Variants in ATG14 observed in about 807,000 individuals in gnomAD.
ATG14 encodes beclin 1-associated autophagy-related key regulator.
A neutral mutation model predicts 60.4 loss-of-function variants in ATG14; 35 were observed. The ratio of observed to expected loss-of-function variants is 0.58; its 90% CI spans 0.44 to 0.77. ATG14 has a LOEUF of 0.77. Ranked by LOEUF, ATG14 falls within the 30% of genes least tolerant of loss-of-function variation. The pLI, the probability that ATG14 is intolerant of heterozygous loss-of-function variation, is 0.00. For synonymous variants in ATG14, 234 were observed against 228.8 expected, an observed-to-expected ratio of 1.02 and a Z score of -0.21; for missense variants, 647 against 626.3, an observed-to-expected ratio of 1.03 and a Z score of -0.35.
At chr14:55,381,517 A>G (rs775241579) in intron 6 of ATG14, among the ~76,000 whole-genome samples, 1 of 152,252 alleles carries the variant, frequency 6.6e-6, no homozygotes, top group Admixed American at 6.5e-5. Context: ...CAAGTGATGA[A>G]TGAATAAATA....
In ATG14 at chr14:55,382,099, G is replaced by A; in HGVS notation, c.740C>T (p.Ser247Leu). The change falls in exon 6 of 10, where the codon TCA (serine) becomes TTA (leucine). Residue 247 changes from serine to leucine, a missense_variant. Coordinates refer to ENST00000247178, the MANE Select transcript of ATG14 (RefSeq NM_014924.5). ...LAEARRTTYL[S>L]GRWVCDDHNG... ...GTGATCGTCACAGACCCATCGTCCT[G>A]AGAGGTAAGTTGTCCTCCGGGCTTC... 2 of 1,614,082 alleles carry A rather than the reference G, an allele frequency of 1.2e-6. No homozygotes were observed. Among genetic ancestry groups the A allele is most frequent in the Admixed American group, 1.7e-5 (1 of 60,016 alleles).
intron 1 of ATG14, among the ~76,000 whole-genome samples, chr14:55,405,146 C>T (rs1245148583): frequency 6.6e-6 from 1 of 152,154 alleles, no homozygotes; most frequent in African/African-American, 2.4e-5. Context: ...CTCTTGTCTA[C>T]CTGTAGAGCT....
At chr14:55,399,993 A>C (rs1013686881) in intron 1 of ATG14, among the ~76,000 whole-genome samples, 4 of 152,266 alleles carry the variant, frequency 2.6e-5, no homozygotes, top group African/African-American at 9.6e-5. Context: ...TAGTGTATCA[A>C]ATATTGAAAG....
At chr14:55,395,871 T>G (rs1351229468) in intron 3 of ATG14, 69 bp downstream of exon 3, 1 of 1,160,122 alleles carries the variant, frequency 8.6e-7, no homozygotes, top group Non-Finnish European at 1.2e-6. Context: ...TAATTAAAAA[T>G]AATTTTATAA....
rs554246227 is a variant in ATG14 at position 55,367,564 on chromosome 14, G to A, written c.*2055C>T. ...TCAAGACCAGCCTGGCCAACATGGTGAAAACCCCCGTCTTTACTAAAATAC... is the reference window on the plus strand; with the variant it reads ...TCAAGACCAGCCTGGCCAACATGGTAAAAACCCCCGTCTTTACTAAAATAC... On this transcript the variant is annotated 3_prime_UTR_variant, in exon 10 of 10. Transcript: ENST00000247178. 6 of 152,304 alleles carry A rather than the reference G, an allele frequency of 3.9e-5. 2 individuals are homozygous for A. In the South Asian group the frequency reaches 1.2e-3, roughly 32 times the overall value. The allele number at this position is 152,304 out of a possible 1,614,324, so 9.4% of individuals were successfully genotyped here. A position where few individuals can be genotyped will look rare whatever the true frequency, so the allele number is the denominator to read the frequency against.
At chr14:55,375,490 ATTTTTTTTTTTTTT>A (rs779634897) in intron 9 of ATG14, among the ~76,000 whole-genome samples, 2,868 of 117,902 alleles carry the variant, frequency 0.024, 100 homozygotes, top group African/African-American at 0.092. Flanking sequence ...GCCGGGCTAA[ATTTTTTTTTTTTTT>A]TTTTTTTTTT....
At chr14:55,410,968 C>T (rs1390343702) in intron 1 of ATG14, among the ~76,000 whole-genome samples, 1 of 152,192 alleles carries the variant, frequency 6.6e-6, no homozygotes, top group Non-Finnish European at 1.5e-5. Flanking sequence ...AAAGGCAATT[C>T]TCTTAACTAA....
At position 55,395,980 on chromosome 14, in the gene ATG14, A is replaced by G. The variant is rs750811442; in HGVS notation, c.287T>C (p.Val96Ala). 31 of 1,586,088 alleles carry G rather than the reference A, an allele frequency of 2.0e-5. No homozygotes were observed. In the East Asian group the frequency reaches 6.8e-4, roughly 35 times the overall value. ...CCATTTTCCTTCCATAGCTTTTAAC[A>G]CTCTGTGAGGAAAAGAGACAGAAAA... ...KSKQEEFQKE[V>A]LKAMEGKWIT... The change falls in exon 3 of 10, where the codon GTG (valine) becomes GCG (alanine). Residue 96 changes from valine to alanine, a missense_variant and splice_region_variant. Val to Ala is a moderately conservative substitution (Grantham distance 64, BLOSUM62 0). Transcript: ENST00000247178.
At chr14:55,379,876 A>G (rs1351533704) in intron 7 of ATG14, among the ~76,000 whole-genome samples, 2 of 152,214 alleles carry the variant, frequency 1.3e-5, no homozygotes, top group African/African-American at 4.8e-5. Context: ...GCAGGCCACC[A>G]TGCCCAGCTA....
Position 55,377,971 on chromosome 14 carries a change from C to A in ATG14, c.1086+13G>T, listed in dbSNP as rs564212082. The A allele has an allele frequency of 5.6e-6, 9 of 1,600,248 alleles. No homozygotes were observed. The South Asian group carries it at 1.0e-4, about 18-fold the overall frequency. ...AACAAAGTAAAAATTAGTTCACAAC[C>A]TATTTTTCATACCTGAGAAAAACAA... On this transcript the variant is annotated intron_variant, in intron 8 of 9. Coordinates refer to ENST00000247178, the MANE Select transcript of ATG14 (RefSeq NM_014924.5).
At chr14:55,398,764 T>C (rs1338077041) in intron 1 of ATG14, among the ~76,000 whole-genome samples, 1 of 152,104 alleles carries the variant, frequency 6.6e-6, no homozygotes, top group East Asian at 1.9e-4. Context: ...AAATGTCTTC[T>C]AGATCTGTGC....
chr14:55,392,737 C>G (rs908625242), intron 3 of ATG14, among the ~76,000 whole-genome samples: 3 of 151,298 alleles, frequency 2.0e-5, no homozygotes, highest in Admixed American at 2.0e-4. Context: ...TAATTAAAAG[C>G]TTAAAACAAT....
rs554830379 is a variant in ATG14 at position 55,369,559 on chromosome 14, A to G, written c.*60T>C. The G allele has an allele frequency of 1.8e-5, 24 of 1,363,848 alleles. No homozygotes were observed. The African/African-American group carries it at 2.7e-4, about 16-fold the overall frequency. The allele number at this position is 1,363,848 out of a possible 1,614,324, so 84.5% of individuals were successfully genotyped here. A position where few individuals can be genotyped will look rare whatever the true frequency, so the allele number is the denominator to read the frequency against. ...TTAACTTAAACAGAAAATGTTTACT[A>G]GAGTGTAGTGGGAGAAGAACTTTCT... is the stretch of plus-strand genomic sequence containing the variant. On this transcript the variant is annotated 3_prime_UTR_variant, in exon 10 of 10. Transcript: ENST00000247178.
intron 1 of ATG14, among the ~76,000 whole-genome samples, chr14:55,404,528 G>C (rs184724987): frequency 6.6e-6 from 1 of 152,128 alleles, no homozygotes; most frequent in East Asian, 1.9e-4. Context: ...TATTTTCCAT[G>C]AAGTATGTCT....
Position 55,383,864 on chromosome 14 carries a change from G to C in ATG14, c.648-1673C>G, listed in dbSNP as rs192604260. 2.0e-5 allele frequency among the ~76,000 whole-genome samples: 3 copies of C among 152,328 alleles called. No individual in the cohort carries two copies. In the East Asian group the frequency reaches 5.8e-4, roughly 29 times the overall value. The stretch of plus-strand genomic sequence containing the variant: ...GGGAACAGAGATGGTCAGTGTGGCT[G>C]GTGTGTGGGATGCACAAGGGAAGTG... On this transcript the variant is annotated intron_variant, in intron 5 of 9. Transcript: ENST00000247178.
intron 4 of ATG14, among the ~76,000 whole-genome samples, chr14:55,389,975 T>A (rs1280178696): frequency 6.6e-6 from 1 of 152,166 alleles, no homozygotes; most frequent in Non-Finnish European, 1.5e-5. Context: ...AAAAACAATA[T>A]TCTGTGCTTC....
chr14:55,409,505 T>C (rs1265767797), intron 1 of ATG14, among the ~76,000 whole-genome samples: 1 of 151,920 alleles, frequency 6.6e-6, no homozygotes, highest in East Asian at 1.9e-4. Context: ...TAAATACGCA[T>C]GAGGTTAGCA....
chr14:55,400,914 AAAAT>A (rs777944109), intron 1 of ATG14, among the ~76,000 whole-genome samples: 733 of 70,996 alleles, frequency 0.01, 2 homozygotes, highest in Non-Finnish European at 0.016. Flanking sequence ...ATAAATAAAT[AAAAT>A]AAAATAAAAT....
At chr14:55,387,490 A>G (rs3783652) in intron 4 of ATG14, among the ~76,000 whole-genome samples, 59,472 of 151,934 alleles carry the variant, frequency 0.39, 11,977 homozygotes, top group Non-Finnish European at 0.43. Context: ...TAATGTGTTC[A>G]GACTCTTCTG....
Sources: allele counts gnomAD v4.1 joint callset (sites outside exome capture counted in the v4.1 genomes callset), GRCh38; gene constraint gnomAD v4.1.1; transcripts MANE v1.5; gene names NCBI Gene and HGNC (gene_info 2026-07-23, HGNC 2026-07-21).